The following AGK variants were observed in gnomAD, a reference collection of about 807,000 sequenced individuals.
AGK encodes acylglycerol kinase.
In AGK, 52 loss-of-function variants were observed where a neutral mutation model predicts 66.4. The observed-to-expected ratio is 0.78, with a 90% CI of 0.63 to 0.99. The LOEUF (loss-of-function observed/expected upper bound fraction) is 0.99. Among genes scored for constraint, AGK ranks in the 50% least tolerant of loss-of-function variants. AGK has a pLI of 0.00. For synonymous variants in AGK, 182 were observed against 181.1 expected, an observed-to-expected ratio of 1.00 and a Z score of -0.04; for missense variants, 451 against 506.6, an observed-to-expected ratio of 0.89 and a Z score of 1.05.
intron 4 of AGK, among the ~76,000 whole-genome samples, chr7:141,600,717 G>A (rs1294548952): frequency 2.0e-5 from 3 of 152,210 alleles, no homozygotes; most frequent in Non-Finnish European, 2.9e-5. Context: ...TAACAGAGAT[G>A]TGTATAAGGT....
rs1796936750 is a variant in AGK at position 141,626,293 on chromosome 7, T to C, written c.588+4492T>C. 2.6e-5 allele frequency among the ~76,000 whole-genome samples: 4 copies of C among 152,200 alleles called. No individual in the cohort carries two copies. In the South Asian group the frequency reaches 8.3e-4, roughly 32 times the overall value. ...TGAAGAATCCATGAGTTTCCAGTGA[T>C]ATTTCAGGATTGCCAGCTTGTAAAT... On this transcript the variant is annotated intron_variant, in intron 9 of 15. Transcript: ENST00000649286.
chr7:141,601,101 T>C, intron 4 of AGK, 104 bp from the exon 5 acceptor site: 1 of 760,466 alleles, frequency 1.3e-6, no homozygotes. Context: ...GAAACCCGTA[T>C]TGCATAGTCT....
chr7:141,632,830 C>G (rs544477725), intron 9 of AGK, among the ~76,000 whole-genome samples: 130 of 152,324 alleles, frequency 8.5e-4, no homozygotes, highest in Middle Eastern at 3.4e-3. Context: ...GGATGAGAGG[C>G]CAGCATCCTT....
chr7:141,621,607 A>G (rs1796826679), intron 8 of AGK, 125 bp from the exon 9 acceptor site: 2 of 672,126 alleles, frequency 3.0e-6, no homozygotes, highest in Admixed American at 2.6e-5. Context: ...AGAGAGAGAG[A>G]GGGAGAGAGA....
intron 5 of AGK, among the ~76,000 whole-genome samples, chr7:141,606,332 T>G (rs550499394): frequency 2.7e-4 from 41 of 152,256 alleles, no homozygotes; most frequent in African/African-American, 9.6e-4. Flanking sequence ...TAAGGAAGAG[T>G]AAAGCAAGAC....
At chr7:141,615,723 G>A in intron 8 of AGK, 158 bp downstream of exon 8, 3 of 638,644 alleles carry the variant, frequency 4.7e-6, no homozygotes, top group Non-Finnish European at 8.3e-6. Flanking sequence ...AGTTCATTGG[G>A]AAGTCTCCCA....
intron 2 of AGK, among the ~76,000 whole-genome samples, chr7:141,590,972 G>C (rs1178520690): frequency 1.3e-5 from 2 of 151,358 alleles, no homozygotes; most frequent in Non-Finnish European, 2.9e-5. Flanking sequence ...GGGCTGACTT[G>C]TGCTGGATTT....
In AGK at chr7:141,558,657, G is replaced by T. The variant is rs1008135965; in HGVS notation, c.101+3090G>T. Among the ~76,000 whole-genome samples, 4 of 152,232 alleles carry T rather than the reference G, an allele frequency of 2.6e-5. No homozygotes were observed. The East Asian group carries it at 7.7e-4, about 29-fold the overall frequency. ...GGATATATGCCCAGAAGTGGGGATTGCTAGATCATATGGTAGTCTATTTTT... is the reference window on the plus strand; with the variant it reads ...GGATATATGCCCAGAAGTGGGGATTTCTAGATCATATGGTAGTCTATTTTT... On this transcript the variant is annotated intron_variant, in intron 2 of 15. Transcript: ENST00000649286.
rs1187768719 is a variant in AGK, at chr7:141,654,197, GTAAT to G, written c.*1280_*1283del. The G allele has an allele frequency of 1.5e-4, 23 of 151,960 alleles. No homozygotes were observed. The highest frequency in any genetic ancestry group is 6.2e-4 in the South Asian group (3 of 4,804). The allele number at this position is 151,960 out of a possible 1,614,324, so 9.4% of individuals were successfully genotyped here. A position where few individuals can be genotyped will look rare whatever the true frequency, so the allele number is the denominator to read the frequency against. ...ATCTCAGTCCAGAACCAATATTATC[GTAAT>G]TAATTATTGGTATATAATGAAAACG... is the stretch of plus-strand genomic sequence containing the variant. On this transcript the variant is annotated 3_prime_UTR_variant, in exon 16 of 16. Transcript: ENST00000649286.
intron 5 of AGK, among the ~76,000 whole-genome samples, chr7:141,604,407 CATACAT>C (rs1796411286): frequency 1.2e-5 from 1 of 83,220 alleles, no homozygotes; most frequent in African/African-American, 4.1e-5. Context: ...TATATATACA[CATACAT>C]ACACACACAC....
intron 2 of AGK, among the ~76,000 whole-genome samples, chr7:141,572,837 T>C (rs1045595459): frequency 8.5e-5 from 13 of 152,098 alleles, no homozygotes; most frequent in African/African-American, 3.1e-4. Flanking sequence ...CCGGGGTAAA[T>C]TATGCATAAG....
chr7:141,612,414 T>A (rs1398162115), intron 6 of AGK, among the ~76,000 whole-genome samples: 1 of 152,190 alleles, frequency 6.6e-6, no homozygotes, highest in African/African-American at 2.4e-5. Context: ...TACACACAAA[T>A]TTGTTTAACA....
chr7:141,643,599 G>A (rs1011584714), intron 13 of AGK, among the ~76,000 whole-genome samples: 1 of 151,928 alleles, frequency 6.6e-6, no homozygotes, highest in Non-Finnish European at 1.5e-5. Flanking sequence ...ATGGGCAAAG[G>A]ACTAATATAA....
intron 2 of AGK, among the ~76,000 whole-genome samples, chr7:141,569,677 A>C (rs954311737): frequency 3.2e-4 from 48 of 152,200 alleles, no homozygotes; most frequent in African/African-American, 1.1e-3. Context: ...TCTCATACTC[A>C]TGTGAGATTA....
chr7:141,583,934 G>T (rs1795939663), intron 2 of AGK, among the ~76,000 whole-genome samples: 2 of 151,922 alleles, frequency 1.3e-5, no homozygotes, highest in African/African-American at 2.4e-5. Flanking sequence ...TGGGCTGGTT[G>T]GTCTGAGGAC....
chr7:141,562,300 G>A (rs959204523), intron 2 of AGK, among the ~76,000 whole-genome samples: 18 of 152,224 alleles, frequency 1.2e-4, no homozygotes, highest in African/African-American at 4.3e-4. Flanking sequence ...CTTCAGCCAG[G>A]AGGTGGCATT....
chr7:141,632,099 C>T (rs949257731), intron 9 of AGK, among the ~76,000 whole-genome samples: 9 of 151,908 alleles, frequency 5.9e-5, no homozygotes, highest in East Asian at 1.9e-4. Flanking sequence ...GGCGTGGTGG[C>T]GTGCACCTGT....
At chr7:141,588,355 C>T (rs555427817) in intron 2 of AGK, among the ~76,000 whole-genome samples, 3 of 152,252 alleles carry the variant, frequency 2.0e-5, no homozygotes, top group African/African-American at 4.8e-5. Flanking sequence ...AGGCCAGGCA[C>T]AGTGGCCACA....
chr7:141,611,777 A>G (rs796632188), intron 6 of AGK, among the ~76,000 whole-genome samples: 10 of 152,318 alleles, frequency 6.6e-5, no homozygotes, highest in African/African-American at 2.4e-4. Flanking sequence ...TTAATATTGC[A>G]TCTTCTCAAT....
Sources: allele counts gnomAD v4.1 joint callset (sites outside exome capture counted in the v4.1 genomes callset), GRCh38; gene constraint gnomAD v4.1.1; transcripts MANE v1.5; gene names NCBI Gene and HGNC (gene_info 2026-07-23, HGNC 2026-07-21).